TRPM3: variants seen among roughly 807,000 people sequenced by gnomAD.
The protein encoded by TRPM3 is long transient receptor potential channel 3.
TRPM3 carries 77 observed loss-of-function variants against 181.2 expected under a neutral mutation model. The observed-to-expected ratio is 0.42, with a 90% CI of 0.35 to 0.51. The LOEUF (loss-of-function observed/expected upper bound fraction) is 0.51. Among genes scored for constraint, TRPM3 ranks in the 20% least tolerant of loss-of-function variants. The probability of loss-of-function intolerance (pLI) is 0.01; values close to 1 mark genes in which losing one functional copy is unlikely to be tolerated. For synonymous variants in TRPM3, 745 were observed against 796.4 expected (o/e 0.94, Z 1.09); for missense variants, 1,759 against 2,196.7 (o/e 0.80, Z 3.98).
intron 1 of TRPM3, among the ~76,000 whole-genome samples, chr9:71,006,787 C>T (rs1590552731): frequency 1.3e-5 from 2 of 148,798 alleles, no homozygotes; most frequent in African/African-American, 5.0e-5. Context: ...AGGAGAATGG[C>T]GTGAACCCGG....
intron 1 of TRPM3, among the ~76,000 whole-genome samples, chr9:70,948,117 A>ATT (rs5898171): frequency 2.1e-5 from 3 of 143,746 alleles, no homozygotes; most frequent in Non-Finnish European, 1.5e-5. Context: ...TGAAAAGCCA[A>ATT]TTTTTTTTTT....
intron 1 of TRPM3, among the ~76,000 whole-genome samples, chr9:71,050,474 A>AAAACC (rs372564241): frequency 1.2e-4 from 19 of 152,348 alleles, no homozygotes; most frequent in African/African-American, 4.1e-4. Context: ...AAATCACAAG[A>AAAACC]AAACCAAAGT....
chr9:70,969,112 A>G (rs1466976386), intron 1 of TRPM3, among the ~76,000 whole-genome samples: 1 of 152,198 alleles, frequency 6.6e-6, no homozygotes, highest in Non-Finnish European at 1.5e-5. Context: ...CAATCTATCC[A>G]TCTGACAAAG....
intron 1 of TRPM3, among the ~76,000 whole-genome samples, chr9:71,001,183 T>C (rs1452438067): frequency 6.6e-6 from 1 of 152,148 alleles, no homozygotes; most frequent in Admixed American, 6.5e-5. Context: ...GCTCCAGTCC[T>C]GAGGACCAGA....
At chr9:71,021,973 A>T (rs1440368899) in intron 1 of TRPM3, among the ~76,000 whole-genome samples, 2 of 152,206 alleles carry the variant, frequency 1.3e-5, no homozygotes, top group Non-Finnish European at 2.9e-5. Flanking sequence ...AACAAGTAAA[A>T]GGTGTTGCTT....
At chr9:71,119,823 T>C (rs1003588582) in intron 1 of TRPM3, among the ~76,000 whole-genome samples, 10 of 152,162 alleles carry the variant, frequency 6.6e-5, no homozygotes, top group Non-Finnish European at 1.2e-4. Flanking sequence ...ATCACACATG[T>C]TGTTACAACA....
chr9:71,254,345 C>T (rs1204464356), intron 1 of TRPM3, among the ~76,000 whole-genome samples: 5 of 152,154 alleles, frequency 3.3e-5, no homozygotes, highest in Non-Finnish European at 5.9e-5. Flanking sequence ...TTACTAGAGG[C>T]TGTGTTGGGA....
At chr9:71,029,806 A>G (rs2057060402) in intron 1 of TRPM3, among the ~76,000 whole-genome samples, 1 of 152,206 alleles carries the variant, frequency 6.6e-6, no homozygotes. Flanking sequence ...AGATATTAAT[A>G]ACAAATAAAC....
intron 19 of TRPM3, among the ~76,000 whole-genome samples, chr9:70,604,771 T>C (rs1022601154): frequency 1.3e-5 from 2 of 151,444 alleles, no homozygotes; most frequent in African/African-American, 4.9e-5. Context: ...TTCAGCCTCC[T>C]GGGTAGCTGG....
intron 1 of TRPM3, among the ~76,000 whole-genome samples, chr9:71,061,030 A>C (rs1010000786): frequency 2.0e-5 from 3 of 152,092 alleles, no homozygotes; most frequent in African/African-American, 7.2e-5. Flanking sequence ...TCCCTCTAAA[A>C]AGAGGGTCAG....
chr9:71,019,010 TTAAC>T (rs750857067), intron 1 of TRPM3, among the ~76,000 whole-genome samples: 2 of 151,888 alleles, frequency 1.3e-5, no homozygotes, highest in African/African-American at 4.8e-5. Flanking sequence ...ATTCACCACA[TTAAC>T]TAAAATAAAA....
At chr9:71,386,339 C>A (rs2092922748) in intron 1 of TRPM3, among the ~76,000 whole-genome samples, 2 of 151,616 alleles carry the variant, frequency 1.3e-5, no homozygotes, top group Non-Finnish European at 2.9e-5. Context: ...GTCCCAGCTA[C>A]TTGGGAGGCT....
At position 71,257,673 on chromosome 9, in the gene TRPM3, T is replaced by C. The variant is rs890739339; in HGVS notation, c.183+188980A>G. 3.9e-5 allele frequency among the ~76,000 whole-genome samples: 6 copies of C among 152,328 alleles called. No individual in the cohort carries two copies. In the East Asian group the frequency reaches 9.6e-4, roughly 24 times the overall value. ...ACGAGAAATTGTGTATGTATAGCCC[T>C]CCTGAGGAAAATACCTTCTTAAAAC... is the stretch of plus-strand genomic sequence containing the variant. On this transcript the variant is annotated intron_variant, in intron 1 of 24. Coordinates refer to the TRPM3 transcript ENST00000357533.
chr9:70,636,435 T>C (rs1234706588), intron 11 of TRPM3, among the ~76,000 whole-genome samples: 1 of 152,118 alleles, frequency 6.6e-6, no homozygotes, highest in South Asian at 2.1e-4. Context: ...GGATGTTTGT[T>C]TGAGGTAAAT....
At chr9:71,162,468 CTTAT>C (rs1270856027) in intron 1 of TRPM3, among the ~76,000 whole-genome samples, 1 of 151,904 alleles carries the variant, frequency 6.6e-6, no homozygotes, top group Non-Finnish European at 1.5e-5. Flanking sequence ...TTATTGTACT[CTTAT>C]TTAAGAAAAT....
intron 1 of TRPM3, among the ~76,000 whole-genome samples, chr9:71,420,751 G>GAGAGAA (rs2093728821): frequency 1.1e-5 from 1 of 89,692 alleles, no homozygotes; most frequent in African/African-American, 5.6e-5. Context: ...GAGAGAAAGA[G>GAGAGAA]AGAGAAAGAG....
At chr9:71,282,422 GAAAGAAAA>G (rs144543978) in intron 1 of TRPM3, among the ~76,000 whole-genome samples, 38,693 of 94,124 alleles carry the variant, frequency 0.41, 10,605 homozygotes, top group Middle Eastern at 0.51. Context: ...AAAAGAAAAA[GAAAGAAAA>G]AAAGAAAGAG....
intron 1 of TRPM3, among the ~76,000 whole-genome samples, chr9:71,390,549 T>C (rs1469420946): frequency 6.6e-6 from 1 of 152,040 alleles, no homozygotes; most frequent in East Asian, 1.9e-4. Context: ...TGTACTTCTT[T>C]TAGGTAGTTT....
intron 1 of TRPM3, among the ~76,000 whole-genome samples, chr9:71,102,449 G>C (rs1315887463): frequency 3.3e-5 from 5 of 152,176 alleles, no homozygotes; most frequent in Admixed American, 6.5e-5. Flanking sequence ...AGTCCTTCCT[G>C]TTTCTGGTCC....
Sources: gnomAD v4.1 joint callset for allele counts (sites outside exome capture counted in the v4.1 genomes callset) on GRCh38, gnomAD v4.1.1 for gene constraint, MANE v1.5 for transcripts, NCBI Gene and HGNC (gene_info 2026-07-23, HGNC 2026-07-21) for gene names.